Variants in SIGLEC1 observed in about 807,000 individuals in gnomAD.
SIGLEC1 encodes the protein sialoadhesin.
Under a neutral mutation model 148.0 loss-of-function variants are expected in SIGLEC1, and 132 were observed. That is an observed-to-expected ratio of 0.89 (90% CI 0.77 to 1.03). The LOEUF (loss-of-function observed/expected upper bound fraction) is 1.03. SIGLEC1 is among the 50% of genes least tolerant of loss of function. SIGLEC1 has a pLI of 0.00. For synonymous variants in SIGLEC1, 945 were observed against 969.0 expected (o/e 0.98, Z 0.46); for missense variants, 2,253 against 2,271.4 (o/e 0.99, Z 0.16).
Position 3,694,693 on chromosome 20 carries a change from G to A in SIGLEC1, c.2914C>T (p.Leu972=). Residue 972 remains leucine (L), a synonymous_variant, in exon 12 of 22, where the codon CTA becomes TTA. Transcript: ENST00000344754. ...ACGTGGAGGCTGATGGGTGCAGCTA[G>A]GCTCGTGGTGGCTGAGCCTGGGGCC... The part of the protein sequence containing the change: ...AQAPGSATTS[L]AAPISLHVSY... 1 of 1,613,864 alleles carries A rather than the reference G, an allele frequency of 6.2e-7. No individual in the cohort carries two copies. Among genetic ancestry groups the A allele is most frequent in the African/African-American group, 1.3e-5 (1 of 75,066 alleles).
At position 3,691,600 on chromosome 20, in the gene SIGLEC1, C is replaced by T; in HGVS notation, c.4331G>A (p.Gly1444Asp). ...ISTIGRLQVE[G>D]ARVVAEPGLD... ...GCCAGGCTCTGCCACCACGCGTGCA[C>T]CTGCGGGCGGAGGATAGAGAGATGA... is the stretch of plus-strand genomic sequence containing the variant. Residue 1444 changes from glycine (G) to aspartate (D), a missense_variant and splice_region_variant, in exon 18 of 22, where the codon GGT (glycine) becomes GAT (aspartate). By Grantham distance (94) the Gly-to-Asp change is moderately conservative. Coordinates refer to ENST00000344754, the MANE Select transcript of SIGLEC1 (RefSeq NM_023068.4). 6.2e-7 allele frequency: 1 copy of T among 1,611,226 alleles called. No individual in the cohort carries two copies. Among genetic ancestry groups the T allele is most frequent in the Non-Finnish European group, 8.5e-7 (1 of 1,179,086 alleles).
intron 6 of SIGLEC1, 114 bp from the exon 7 acceptor site, chr20:3,701,755 G>A: frequency 1.9e-6 from 2 of 1,028,890 alleles, no homozygotes; most frequent in South Asian, 2.1e-5. Context: ...TGTGAGAAGG[G>A]GGTGATCCCA....
chr20:3,690,829 C>CT (rs1226435413), intron 18 of SIGLEC1, among the ~76,000 whole-genome samples: 2,073 of 116,948 alleles, frequency 0.018, 47 homozygotes, highest in African/African-American at 0.042. Flanking sequence ...CTTTTCTTTT[C>CT]TTTTTTTTTT....
chr20:3,696,642 C>A lies in SIGLEC1; in HGVS notation c.2627G>T (p.Cys876Phe). The change falls in exon 11 of 22, where the codon TGT becomes TTT. Residue 876 changes from cysteine (C) to phenylalanine (F), a missense_variant. By Grantham distance (205) the Cys-to-Phe change is radical (BLOSUM62 -2). Coordinates refer to ENST00000344754, the MANE Select transcript of SIGLEC1 (RefSeq NM_023068.4). ...TGATCCAAGAACATTTGTGGCCTCA[C>A]AGCGGTAGCTGCCAGAGTCCCCAAG... Reference protein sequence around the residue: ...LGLGDSGSYRCEATNVLGSSN... With the variant: ...LGLGDSGSYRFEATNVLGSSN... 6.2e-7 allele frequency: 1 copy of A among 1,613,768 alleles called. No individual in the cohort carries two copies. Among genetic ancestry groups the A allele is most frequent in the Non-Finnish European group, 8.5e-7 (1 of 1,179,986 alleles).
At chr20:3,706,253 A>C (rs2087892864) in intron 3 of SIGLEC1, 94 bp downstream of exon 3, 1 of 1,491,368 alleles carries the variant, frequency 6.7e-7, no homozygotes, top group Middle Eastern at 1.8e-4. Flanking sequence ...GGCTGGGGTT[A>C]GATTCAGGAC....
At position 3,692,656 on chromosome 20, in the gene SIGLEC1, G is replaced by A. The variant is rs370083497; in HGVS notation, c.3895C>T (p.Arg1299Cys). 66 of 1,613,136 alleles carry A rather than the reference G, an allele frequency of 4.1e-5. No homozygotes were observed. The highest frequency in any genetic ancestry group is 4.9e-5 in the Non-Finnish European group (58 of 1,180,034). The change falls in exon 16 of 22, where the codon CGT becomes TGT. Residue 1299 changes from arginine to cysteine, a missense_variant. Coordinates refer to ENST00000344754, the MANE Select transcript of SIGLEC1 (RefSeq NM_023068.4). ...GCAGCTGGACCCTCCTGCAGCCAAC[G>A]ACCGTTGTGGTACCAAGTATAGAGT... is the stretch of plus-strand genomic sequence containing the variant. ...PTLYTWYHNG[R>C]WLQEGPAASL... is the part of the protein sequence containing the mutation.
chr20:3,711,449 G>A (rs138770658), intron 1 of SIGLEC1, among the ~76,000 whole-genome samples: 5 of 152,264 alleles, frequency 3.3e-5, no homozygotes, highest in South Asian at 2.1e-4. Context: ...GGGAAGAAAG[G>A]GCAGAGGCAG....
intron 7 of SIGLEC1, 122 bp downstream of exon 7, chr20:3,701,220 T>C (rs2146527934): frequency 1.1e-6 from 1 of 914,764 alleles, no homozygotes. Flanking sequence ...CTGTCTTTTA[T>C]GTGGCGTAGC....
chr20:3,691,694 G>T, intron 17 of SIGLEC1, 94 bp from the exon 18 acceptor site: 1 of 1,495,830 alleles, frequency 6.7e-7, no homozygotes, highest in Non-Finnish European at 9.0e-7. Flanking sequence ...TGCACATTGT[G>T]GGAAGGTCTC....
chr20:3,706,483 C>T lies in SIGLEC1; in HGVS notation c.273G>A (p.Gly91=), dbSNP rs370454342. ...ARFRGRTEFM[G]NPEHRVCNLL... The stretch of plus-strand genomic sequence containing the variant: ...GGTTGCACACCCTGTGCTCGGGGTT[C>T]CCCATGAACTCGGTGCGGCCGCGGA... Residue 91 remains glycine, a synonymous_variant, in exon 3 of 22, where the codon GGG becomes GGA. Coordinates refer to ENST00000344754, the MANE Select transcript of SIGLEC1 (RefSeq NM_023068.4). 421 of 1,613,786 alleles carry T rather than the reference C, an allele frequency of 2.6e-4. No individual in the cohort carries two copies. Among genetic ancestry groups the T allele is most frequent in the Non-Finnish European group, 3.5e-4 (409 of 1,180,042 alleles).
rs369413589 is a variant in SIGLEC1 at position 3,697,220 on chromosome 20, C to T, written c.2245G>A (p.Val749Met). 4.3e-6 allele frequency: 7 copies of T among 1,613,938 alleles called. No homozygotes were observed. The highest frequency in any genetic ancestry group is 5.9e-6 in the Non-Finnish European group (7 of 1,180,032). Residue 749 changes from valine (V) to methionine (M), a missense_variant, in exon 10 of 22, where the codon GTG becomes ATG. Val to Met is a conservative substitution (Grantham distance 21, BLOSUM62 1). Transcript: ENST00000344754. ...TCCAGGGGACCCTGGGCCCACAGCA[C>T]CCCATTTCGGAACCAGGAGAAGTTA... Reference protein sequence around the residue: ...PANFSWFRNGVLWAQGPLETV... With the variant: ...PANFSWFRNGMLWAQGPLETV...
chr20:3,692,118 T>TCACTGTC lies in SIGLEC1; in HGVS notation c.4108_4114dup (p.Glu1372GlyfsTer3). The stretch of plus-strand genomic sequence containing the variant: ...AGATAGGGCCAGCTCAGCAGGTGGC[T>TCACTGTC]CACTGTCCACAGTGCACTGTATCAC... On this transcript the variant is annotated stop_gained and frameshift_variant, in exon 17 of 22. Coordinates refer to ENST00000344754, the MANE Select transcript of SIGLEC1 (RefSeq NM_023068.4). LOFTEE classifies it high-confidence loss of function. 6.2e-7 allele frequency: 1 copy of TCACTGTC among 1,606,686 alleles called. No homozygotes were observed. The highest frequency in any genetic ancestry group is 8.5e-7 in the Non-Finnish European group (1 of 1,178,384).
intron 21 of SIGLEC1, chr20:3,688,892 T>G (rs1453863204): frequency 1.7e-6 from 1 of 597,304 alleles, no homozygotes; most frequent in African/African-American, 1.9e-5. Context: ...AACATACGTG[T>G]CTTGGAAATG....
In SIGLEC1 at chr20:3,705,899, A is replaced by G; in HGVS notation, c.551T>C (p.Val184Ala). The G allele has an allele frequency of 6.2e-7, 1 of 1,614,124 alleles. No homozygotes were observed. The highest frequency in any genetic ancestry group is 8.5e-7 in the Non-Finnish European group (1 of 1,180,028). The change falls in exon 4 of 22, where the codon GTC becomes GCC. Residue 184 changes from valine (V) to alanine (A), a missense_variant. By Grantham distance (64) the Val-to-Ala change is moderately conservative (BLOSUM62 0). Coordinates refer to ENST00000344754, the MANE Select transcript of SIGLEC1 (RefSeq NM_023068.4). Reference protein sequence around the residue: ...QWQGQDPARSVTFNSQKFEPT... With the variant: ...QWQGQDPARSATFNSQKFEPT... ...CTCAAACTTCTGGCTGTTGAAGGTG[A>G]CAGAGCGAGCAGGGTCCTGGCCTTG...
chr20:3,707,729 G>A (rs192948149), intron 1 of SIGLEC1, among the ~76,000 whole-genome samples: 14 of 152,288 alleles, frequency 9.2e-5, no homozygotes, highest in Admixed American at 5.9e-4. Flanking sequence ...CCCATTGCCC[G>A]TGAGATGTGA....
At position 3,688,585 on chromosome 20, in the gene SIGLEC1, G is replaced by T; in HGVS notation, c.5105C>A (p.Ser1702Ter). The stretch of plus-strand genomic sequence containing the variant: ...TCAGCCCAGGGGTGGGGCACAGGTT[G>T]AGGTCTCACATGTGGCTGCATCAGG... ...IDPDAATCET[S>*]TCAPPLG Residue 1702 changes from serine (S) to a stop codon, truncating the protein, a stop_gained, in exon 22 of 22, where the codon TCA (serine) becomes TAA (stop). Coordinates refer to ENST00000344754, the MANE Select transcript of SIGLEC1 (RefSeq NM_023068.4). LOFTEE classifies it high-confidence loss of function. The T allele has an allele frequency of 6.2e-7, 1 of 1,603,210 alleles. No homozygotes were observed. The highest frequency in any genetic ancestry group is 8.5e-7 in the Non-Finnish European group (1 of 1,174,574).
In SIGLEC1 at chr20:3,697,870, C is replaced by T. The variant is rs1397717827; in HGVS notation, c.2050G>A (p.Glu684Lys). 6.2e-6 allele frequency: 10 copies of T among 1,613,158 alleles called. No individual in the cohort carries two copies. The highest frequency in any genetic ancestry group is 8.5e-6 in the Non-Finnish European group (10 of 1,180,008). Residue 684 changes from glutamate to lysine, a missense_variant, in exon 9 of 22, where the codon GAG becomes AAG. By Grantham distance (56) the Glu-to-Lys change is moderately conservative (BLOSUM62 1). Coordinates refer to ENST00000344754, the MANE Select transcript of SIGLEC1 (RefSeq NM_023068.4). ...VEIHNPLLEEEGLYLCEASNA... is the reference protein window; with the variant it reads ...VEIHNPLLEEKGLYLCEASNA... ...CTGGCCTCACAGAGGTACAAGCCCT[C>T]CTCTTCCAGCAAAGGGTTGTGAATC...
At chr20:3,700,942 ACCCACCTCGGCCT>A (rs2087846272) in intron 7 of SIGLEC1, among the ~76,000 whole-genome samples, 1 of 151,484 alleles carries the variant, frequency 6.6e-6, no homozygotes, top group Non-Finnish European at 1.5e-5. Flanking sequence ...CTCGTGATCC[ACCCACCTCGGCCT>A]CCCAAAGTGC....
intron 7 of SIGLEC1, among the ~76,000 whole-genome samples, chr20:3,700,409 T>C (rs1346828252): frequency 1.3e-5 from 2 of 151,558 alleles, no homozygotes; most frequent in Non-Finnish European, 2.9e-5. Context: ...TGAGCCACCA[T>C]GCCTGGCCAC....
Sources: allele counts gnomAD v4.1 joint callset (sites outside exome capture counted in the v4.1 genomes callset), GRCh38; gene constraint gnomAD v4.1.1; transcripts MANE v1.5; gene names NCBI Gene and HGNC (gene_info 2026-07-23, HGNC 2026-07-21).